PDHX: variants seen among roughly 807,000 people sequenced by gnomAD.
The protein encoded by PDHX is pyruvate dehydrogenase protein X component, mitochondrial.
PDHX carries 33 observed loss-of-function variants against 55.3 expected under a neutral mutation model. That is an observed-to-expected ratio of 0.60 (90% CI 0.45 to 0.80). PDHX has a LOEUF of 0.80. PDHX is among the 30% of genes least tolerant of loss of function. The pLI is 0.00. For synonymous variants in PDHX, 226 were observed against 219.4 expected (o/e 1.03, Z -0.27); for missense variants, 622 against 619.9 (o/e 1.00, Z -0.04).
At position 34,984,698 on chromosome 11, in the gene PDHX, AG is replaced by A; in HGVS notation, c.1154del (p.Gly385ValfsTer9). On this transcript the variant is annotated frameshift_variant, in exon 9 of 11. Coordinates refer to ENST00000227868, the MANE Select transcript of PDHX (RefSeq NM_003477.3). LOFTEE classifies it high-confidence loss of function. The part of the protein sequence containing the change: ...TPIIKDAAAK[G>X]IQEIADSVKA... ...CAATCATAAAAGATGCTGCTGCTAA[AG>A]GTATCCAGGAAATTGCTGACTCTGT... The A allele has an allele frequency of 6.2e-7, 1 of 1,614,106 alleles. No individual in the cohort carries two copies. The highest frequency in any genetic ancestry group is 2.2e-5 in the East Asian group (1 of 44,870).
intron 6 of PDHX, among the ~76,000 whole-genome samples, chr11:34,969,836 A>G (rs777946530): frequency 1.3e-5 from 2 of 152,034 alleles, no homozygotes; most frequent in Non-Finnish European, 2.9e-5. Context: ...GGAATTGTTC[A>G]TTATTTGGTA....
chr11:34,948,185 T>C (rs1351170656), intron 3 of PDHX, among the ~76,000 whole-genome samples: 1 of 152,220 alleles, frequency 6.6e-6, no homozygotes, highest in African/African-American at 2.4e-5. Flanking sequence ...ACATATATGC[T>C]CATCTCAAGA....
chr11:34,916,596 CG>C, upstream of PDHX: 2 of 1,590,946 alleles, frequency 1.3e-6, no homozygotes. Context: ...ATGCGGGAGG[CG>C]GGGCCTTGAT....
chr11:34,931,982 G>A (rs11032934), intron 2 of PDHX, among the ~76,000 whole-genome samples: 28,628 of 151,778 alleles, frequency 0.19, 3,818 homozygotes, highest in African/African-American at 0.39. Context: ...ATAGTATTAA[G>A]CATTTCTAAT....
At chr11:34,980,348 G>GTTTTTTTTT (rs1319243948) in intron 8 of PDHX, among the ~76,000 whole-genome samples, 1 of 30,484 alleles carries the variant, frequency 3.3e-5, no homozygotes, top group Admixed American at 2.7e-4. Flanking sequence ...GTTTAAGATA[G>GTTTTTTTTT]TTTCTTTTTT....
At chr11:34,929,167 A>G (rs1454464614) in intron 1 of PDHX, among the ~76,000 whole-genome samples, 3 of 152,046 alleles carry the variant, frequency 2.0e-5, no homozygotes, top group African/African-American at 7.2e-5. Context: ...TTTTTCATAT[A>G]TAATGCACTT....
intron 5 of PDHX, among the ~76,000 whole-genome samples, chr11:34,961,492 C>G (rs1439401505): frequency 6.6e-6 from 1 of 152,078 alleles, no homozygotes; most frequent in Non-Finnish European, 1.5e-5. Flanking sequence ...CCATATTTAT[C>G]TAATATTGAT....
chr11:34,984,593 C>CT lies in PDHX; in HGVS notation c.1048dup (p.Trp350LeufsTer13). ...AGCAAATGCCAGATGTTAATGTAAG[C>CT]TGGGATGGAGAGGGCCCAAAGCAAC... is the stretch of plus-strand genomic sequence containing the variant. On this transcript the variant is annotated frameshift_variant, in exon 9 of 11. Transcript: ENST00000227868. LOFTEE classifies it high-confidence loss of function. 1 of 1,613,968 alleles carries CT rather than the reference C, an allele frequency of 6.2e-7. No individual in the cohort carries two copies. The highest frequency in any genetic ancestry group is 1.3e-5 in the African/African-American group (1 of 75,018).
chr11:34,918,027 G>C (rs1296337100), intron 1 of PDHX, among the ~76,000 whole-genome samples: 2 of 152,170 alleles, frequency 1.3e-5, no homozygotes, highest in Non-Finnish European at 2.9e-5. Context: ...AATATTAAAA[G>C]TTTAGTATTG....
intron 10 of PDHX, among the ~76,000 whole-genome samples, chr11:34,992,959 C>T (rs541033265): frequency 3.3e-5 from 5 of 152,258 alleles, no homozygotes; most frequent in South Asian, 2.1e-4. Flanking sequence ...CCTCCACCAA[C>T]GGTCCTGAGA....
chr11:34,986,307 C>CAAAAAA (rs755119406), intron 9 of PDHX, among the ~76,000 whole-genome samples: 1 of 65,112 alleles, frequency 1.5e-5, no homozygotes, highest in African/African-American at 3.8e-5. Flanking sequence ...CACTGTATCT[C>CAAAAAA]AAAAAAAAAA....
chr11:34,971,830 G>T (rs1855264424), intron 7 of PDHX, among the ~76,000 whole-genome samples: 1 of 151,964 alleles, frequency 6.6e-6, no homozygotes, highest in Admixed American at 6.6e-5. Context: ...GAAGAGTTTG[G>T]ATACAATTGG....
chr11:34,973,762 T>A (rs533907304), intron 7 of PDHX, among the ~76,000 whole-genome samples: 5 of 152,190 alleles, frequency 3.3e-5, no homozygotes, highest in Admixed American at 3.3e-4. Context: ...AGAATACATG[T>A]TTAATGTTTT....
chr11:34,984,835 G>T, intron 9 of PDHX, 107 bp downstream of exon 9: 2 of 1,046,314 alleles, frequency 1.9e-6, no homozygotes, highest in Non-Finnish European at 3.0e-6. Context: ...ATTTTTGTGT[G>T]TGTGAAGGGG....
intron 6 of PDHX, among the ~76,000 whole-genome samples, chr11:34,969,887 T>C (rs1169713641): frequency 6.6e-6 from 1 of 152,188 alleles, no homozygotes; most frequent in Non-Finnish European, 1.5e-5. Flanking sequence ...ACATAAGATA[T>C]CCCATTCACA....
chr11:34,970,408 A>G lies in PDHX; in HGVS notation c.964+122A>G, dbSNP rs773829297. The G allele has an allele frequency of 3.4e-4, 278 of 811,024 alleles. 2 individuals carry two copies. Among genetic ancestry groups the G allele is most frequent in the Non-Finnish European group, 5.2e-4 (256 of 495,766 alleles). 50.2% of individuals were successfully genotyped at this position (811,024 alleles called of 1,614,324 possible). ...GCTTTTAATTTCAATTTCATAATGT[A>G]CTTGCACTCTACTCTGGGTATATTT... is the stretch of plus-strand genomic sequence containing the variant. On this transcript the variant is annotated intron_variant, in intron 7 of 10. Transcript: ENST00000227868.
intron 6 of PDHX, among the ~76,000 whole-genome samples, chr11:34,967,979 G>T (rs189318021): frequency 6.6e-6 from 1 of 152,020 alleles, no homozygotes; most frequent in East Asian, 1.9e-4. Flanking sequence ...TTAAAAGTAG[G>T]TTATTCAAGG....
chr11:34,947,036 T>C (rs943357552), intron 2 of PDHX, among the ~76,000 whole-genome samples: 2 of 152,242 alleles, frequency 1.3e-5, no homozygotes, highest in Non-Finnish European at 2.9e-5. Context: ...TTATATGCTT[T>C]ATTCATTTAT....
At chr11:34,928,710 A>C (rs1854084851) in intron 1 of PDHX, among the ~76,000 whole-genome samples, 2 of 152,156 alleles carry the variant, frequency 1.3e-5, no homozygotes, top group African/African-American at 4.8e-5. Context: ...TCTTGCAATT[A>C]AGTGTAGGAT....
Sources: allele counts gnomAD v4.1 joint callset (sites outside exome capture counted in the v4.1 genomes callset), GRCh38; gene constraint gnomAD v4.1.1; transcripts MANE v1.5; gene names NCBI Gene and HGNC (gene_info 2026-07-23, HGNC 2026-07-21).